The following TBX22 variants were observed in gnomAD, a reference collection of about 807,000 sequenced individuals.
The protein encoded by TBX22 is T-box transcription factor TBX22.
TBX22 carries 8 observed loss-of-function variants against 30.1 expected under a neutral mutation model. That is an observed-to-expected ratio of 0.27 (90% CI 0.16 to 0.48). The LOEUF (loss-of-function observed/expected upper bound fraction) is 0.48. Among genes scored for constraint, TBX22 ranks in the 20% least tolerant of loss-of-function variants. TBX22 has a pLI of 0.99. For synonymous variants in TBX22, 173 were observed against 149.1 expected (o/e 1.16, Z -1.17); for missense variants, 463 against 400.5 (o/e 1.16, Z -1.33).
At chrX:80,025,444 AT>A (rs754217169) in intron 4 of TBX22, among the ~76,000 whole-genome samples, 158 bp from the exon 5 acceptor site, 89 of 111,930 alleles carry the variant, frequency 8.0e-4, no homozygotes, top group African/African-American at 2.7e-3. Context: ...TTTACAGTTT[AT>A]TTTTTGCCCC....
Position 80,022,252 on chromosome X carries a change from C to A in TBX22, c.-2-16C>A. 1 of 1,210,359 alleles carries A rather than the reference C, an allele frequency of 8.3e-7. No individual in the cohort carries two copies. ...GGTTGAAACTTTGCTGCAAAGAATCCCTTCACCCCCTCCAGGGATGGCTCT... is the reference window on the plus strand; with the variant it reads ...GGTTGAAACTTTGCTGCAAAGAATCACTTCACCCCCTCCAGGGATGGCTCT... On this transcript the variant is annotated splice_polypyrimidine_tract_variant and intron_variant, in intron 1 of 8. Transcript: ENST00000373296.
At chrX:80,030,403 A>G in intron 8 of TBX22, 95 bp from the exon 9 acceptor site, 5 of 1,070,744 alleles carry the variant, frequency 4.7e-6, no homozygotes, top group Non-Finnish European at 6.5e-6. Context: ...AATTAATCTA[A>G]GGATGAAGCA....
At chrX:80,016,596 T>C (rs1212088768) in intron 1 of TBX22, among the ~76,000 whole-genome samples, 1 of 112,471 alleles carries the variant, frequency 8.9e-6, no homozygotes, top group Non-Finnish European at 1.9e-5. Context: ...GAATTATTTA[T>C]TTTAAAATAT....
Position 80,024,103 on chromosome X carries a change from G to T in TBX22, c.397G>T (p.Asp133Tyr). The part of the protein sequence containing the change: ...PSVRVKVKGL[D>Y]PGKQYHVAID... ...TGTTCGGGTCAAGGTGAAAGGGTTG[G>T]ATCCAGGGAAGCAGTACCATGTGGC... The change falls in exon 4 of 9, where the codon GAT (aspartate) becomes TAT (tyrosine). Residue 133 changes from aspartate (D) to tyrosine (Y), a missense_variant. Asp to Tyr is a radical substitution (Grantham distance 160, BLOSUM62 -3). Coordinates refer to ENST00000373296, the MANE Select transcript of TBX22 (RefSeq NM_001109878.2). 1 of 1,211,466 alleles carries T rather than the reference G, an allele frequency of 8.3e-7. No homozygotes were observed. The highest frequency in any genetic ancestry group is 1.1e-6 in the Non-Finnish European group (1 of 895,445).
intron 2 of TBX22, 49 bp downstream of exon 2, chrX:80,022,493 G>A (rs998446704): frequency 1.2e-5 from 14 of 1,123,987 alleles, no homozygotes; most frequent in Non-Finnish European, 1.6e-5. Context: ...TACTGGTTCC[G>A]CATCTCTCCG....
At chrX:80,019,754 T>C (rs975418505) in intron 1 of TBX22, among the ~76,000 whole-genome samples, 4 of 111,789 alleles carry the variant, frequency 3.6e-5, no homozygotes, top group African/African-American at 1.3e-4. Flanking sequence ...AACTATATTT[T>C]AGTCTAGTAC....
At chrX:80,021,168 T>C (rs1470490025) in intron 1 of TBX22, among the ~76,000 whole-genome samples, 1 of 112,151 alleles carries the variant, frequency 8.9e-6, no homozygotes, top group East Asian at 2.8e-4. Context: ...AATCCGAACA[T>C]TTTGAGTTGT....
chrX:80,028,178 A>G, intron 8 of TBX22, 102 bp downstream of exon 8: 2 of 712,319 alleles, frequency 2.8e-6, no homozygotes, highest in Admixed American at 2.6e-5. Context: ...TGTACATGCA[A>G]GAAAATGTGT....
intron 8 of TBX22, among the ~76,000 whole-genome samples, chrX:80,029,467 CA>C (rs1348580475): frequency 8.9e-6 from 1 of 112,073 alleles, no homozygotes; most frequent in Non-Finnish European, 1.9e-5. Context: ...TCTTAACTTG[CA>C]AAATTATTTC....
Position 80,025,719 on chromosome X carries a change from A to G in TBX22, c.575A>G (p.Gln192Arg). 1 of 1,211,433 alleles carries G rather than the reference A, an allele frequency of 8.3e-7. No individual in the cohort carries two copies. Among genetic ancestry groups the G allele is most frequent in the Non-Finnish European group, 1.1e-6 (1 of 895,228 alleles). ...TGCTCGGGAGAGACCTGGATGCGGC[A>G]GATCATCAGCTTTGATCGCATGAAA... Reference protein sequence around the residue: ...SPCSGETWMRQIISFDRMKLT... With the variant: ...SPCSGETWMRRIISFDRMKLT... The change falls in exon 5 of 9, where the codon CAG becomes CGG. Residue 192 changes from glutamine (Q) to arginine (R), a missense_variant. Coordinates refer to ENST00000373296, the MANE Select transcript of TBX22 (RefSeq NM_001109878.2).
chrX:80,030,581 T>C lies in TBX22; in HGVS notation c.1033T>C (p.Ser345Pro). 4 of 1,211,779 alleles carry C rather than the reference T, an allele frequency of 3.3e-6. No individual in the cohort carries two copies. The highest frequency in any genetic ancestry group is 3.4e-6 in the Non-Finnish European group (3 of 895,488). The change falls in exon 9 of 9, where the codon TCA becomes CCA. Residue 345 changes from serine to proline, a missense_variant. Physicochemically the swap from Ser to Pro is moderately conservative, Grantham distance 74. Coordinates refer to ENST00000373296, the MANE Select transcript of TBX22 (RefSeq NM_001109878.2). ...LNSLLSPLCFSPMFHLPTSSL... is the reference protein window; with the variant it reads ...LNSLLSPLCFPPMFHLPTSSL... ...CTCCTTACTTTCTCCACTTTGCTTT[T>C]CACCTATGTTTCATTTACCTACAAG... is the stretch of plus-strand genomic sequence containing the variant.
At chrX:80,025,930 C>T in intron 5 of TBX22, among the ~76,000 whole-genome samples, 153 bp downstream of exon 5, 2 of 111,423 alleles carry the variant, frequency 1.8e-5, no homozygotes, top group South Asian at 7.6e-4. Flanking sequence ...AAGTAGCTAA[C>T]CTAGGGCTCC....
chrX:80,020,289 T>TAGATAGATAGATAGATAGA (rs1555991386), intron 1 of TBX22, among the ~76,000 whole-genome samples: 34 of 104,662 alleles, frequency 3.2e-4, no homozygotes, highest in African/African-American at 1.1e-3. Flanking sequence ...TAGAGATAGA[T>TAGATAGATAGATAGATAGA]TAGATAGATA....
At chrX:80,015,064 A>C (rs1923363722) in intron 1 of TBX22, among the ~76,000 whole-genome samples, 177 bp downstream of exon 1, 1 of 110,701 alleles carries the variant, frequency 9.0e-6, no homozygotes, top group Non-Finnish European at 1.9e-5. Flanking sequence ...TGTGACAGAG[A>C]TCTTGCAATC....
chrX:80,016,965 C>T (rs1169948852), intron 1 of TBX22, among the ~76,000 whole-genome samples: 1 of 87,256 alleles, frequency 1.1e-5, no homozygotes, highest in Non-Finnish European at 2.1e-5. Context: ...GAGATTGTGC[C>T]ATTGCACTCC....
chrX:80,029,864 T>C (rs778405996), intron 8 of TBX22, among the ~76,000 whole-genome samples: 3 of 112,473 alleles, frequency 2.7e-5, no homozygotes, highest in Admixed American at 1.9e-4. Context: ...TGTACAAATG[T>C]GGTTCAAGTG....
At position 80,024,093 on chromosome X, in the gene TBX22, G is replaced by A. The variant is rs1448685350; in HGVS notation, c.387G>A (p.Val129=). The A allele has an allele frequency of 8.3e-7, 1 of 1,209,442 alleles. No individual in the cohort carries two copies. The highest frequency in any genetic ancestry group is 1.8e-5 in the African/African-American group (1 of 56,905). The change falls in exon 4 of 9, where the codon GTG becomes GTA. Residue 129 remains valine (V), a synonymous_variant. Coordinates refer to ENST00000373296, the MANE Select transcript of TBX22 (RefSeq NM_001109878.2). ...RRMFPSVRVK[V]KGLDPGKQYH... Reference sequence around the variant, plus strand: ...TGTTCCCCTCTGTTCGGGTCAAGGTGAAAGGGTTGGATCCAGGGAAGCAGT... The same window carrying A: ...TGTTCCCCTCTGTTCGGGTCAAGGTAAAAGGGTTGGATCCAGGGAAGCAGT...
At position 80,031,213 on chromosome X, in the gene TBX22, C is replaced by T. The variant is rs1217307204; in HGVS notation, c.*102C>T. Reference sequence around the variant, plus strand: ...TTATTGGGCTTAAAAAGCATCATTACAATACAGTATTTCTTTGTTATACAT... The same window carrying T: ...TTATTGGGCTTAAAAAGCATCATTATAATACAGTATTTCTTTGTTATACAT... On this transcript the variant is annotated 3_prime_UTR_variant, in exon 9 of 9. Transcript: ENST00000373296. 2.1e-5 allele frequency: 16 copies of T among 752,305 alleles called. No individual in the cohort carries two copies. Among genetic ancestry groups the T allele is most frequent in the African/African-American group, 6.4e-5 (3 of 47,185 alleles). 62.0% of individuals were successfully genotyped at this position (752,305 alleles called of 1,213,427 possible).
chrX:80,024,278 T>G, intron 4 of TBX22, 114 bp downstream of exon 4: 28 of 580,296 alleles, frequency 4.8e-5, no homozygotes, highest in East Asian at 1.5e-4. Flanking sequence ...GGGGTGGGAG[T>G]GGGGGATTGC....
Sources: gnomAD v4.1 joint callset for allele counts (sites outside exome capture counted in the v4.1 genomes callset) on GRCh38, gnomAD v4.1.1 for gene constraint, MANE v1.5 for transcripts, NCBI Gene and HGNC (gene_info 2026-07-23, HGNC 2026-07-21) for gene names.